Variants in SGCZ observed in about 807,000 individuals in gnomAD.
The protein encoded by SGCZ is sarcoglycan zeta.
Under a neutral mutation model 41.3 loss-of-function variants are expected in SGCZ, and 40 were observed. The ratio of observed to expected loss-of-function variants is 0.97; its 90% confidence interval spans 0.75 to 1.26. The LOEUF (loss-of-function observed/expected upper bound fraction) is 1.26. Ranked by LOEUF, SGCZ falls within the 50% of genes most tolerant of loss-of-function variation. SGCZ has a pLI of 0.00. For synonymous variants in SGCZ, 206 were observed against 137.5 expected (o/e 1.50, Z -3.49); for missense variants, 552 against 369.8 (o/e 1.49, Z -4.04).
intron 2 of SGCZ, among the ~76,000 whole-genome samples, chr8:14,491,026 C>A (rs1801826712): frequency 6.6e-6 from 1 of 152,174 alleles, no homozygotes; most frequent in African/African-American, 2.4e-5. Context: ...TCAATTTAAA[C>A]ATTTCATTTA....
intron 1 of SGCZ, among the ~76,000 whole-genome samples, chr8:14,774,561 C>G (rs1212224917): frequency 1.3e-5 from 2 of 152,108 alleles, no homozygotes; most frequent in African/African-American, 4.8e-5. Context: ...TTTATCAATC[C>G]TCATGGTATT....
intron 2 of SGCZ, among the ~76,000 whole-genome samples, chr8:14,472,278 G>A (rs1454422986): frequency 6.6e-6 from 1 of 151,918 alleles, no homozygotes; most frequent in African/African-American, 2.4e-5. Context: ...AGGTAAATAA[G>A]GTTTAATTAA....
chr8:14,696,838 T>C (rs928300759), intron 1 of SGCZ, among the ~76,000 whole-genome samples: 2 of 151,608 alleles, frequency 1.3e-5, no homozygotes, highest in African/African-American at 4.8e-5. Context: ...AGGCAAAAGA[T>C]GGTTTGCCAA....
chr8:14,612,678 T>TC (rs1173090046), intron 1 of SGCZ, among the ~76,000 whole-genome samples: 8 of 151,522 alleles, frequency 5.3e-5, no homozygotes, highest in Non-Finnish European at 1.2e-4. Context: ...TTTGTTTTTT[T>TC]GTTTTGTTTT....
In SGCZ at chr8:15,021,567, A is replaced by C. The variant is rs147999649; in HGVS notation, c.39+216018T>G. ...GATAGAAATTGAGATCTCTCAACCA[A>C]TCTACTGAAACACTGTATGGGGTTA... On this transcript the variant is annotated intron_variant, in intron 1 of 7. Coordinates refer to ENST00000382080, the MANE Select transcript of SGCZ (RefSeq NM_139167.4). Among the ~76,000 whole-genome samples, 841 of 152,318 alleles carry C rather than the reference A, an allele frequency of 5.5e-3. 3 individuals are homozygous for C. Among genetic ancestry groups the C allele is most frequent in the Middle Eastern group, 0.031 (9 of 294 alleles).
intron 1 of SGCZ, among the ~76,000 whole-genome samples, chr8:14,742,046 G>C (rs900338354): frequency 2.6e-5 from 4 of 151,824 alleles, no homozygotes; most frequent in Non-Finnish European, 5.9e-5. Context: ...ACAATAGTAA[G>C]AAAATGATAA....
At chr8:14,191,835 G>A (rs546918932) in intron 4 of SGCZ, among the ~76,000 whole-genome samples, 1 of 152,158 alleles carries the variant, frequency 6.6e-6, no homozygotes, top group African/African-American at 2.4e-5. Flanking sequence ...TTCTTTCTAT[G>A]ATTCTTTTAG....
At chr8:15,204,578 G>A (rs930662331) in intron 1 of SGCZ, among the ~76,000 whole-genome samples, 9 of 151,994 alleles carry the variant, frequency 5.9e-5, no homozygotes, top group African/African-American at 1.2e-4. Context: ...GAAGTCTTTC[G>A]TCACCCAACT....
intron 4 of SGCZ, among the ~76,000 whole-genome samples, chr8:14,182,356 C>T (rs984725789): frequency 1.1e-4 from 17 of 152,124 alleles, no homozygotes; most frequent in Non-Finnish European, 2.9e-5. Context: ...GAGAACCAAC[C>T]AGGAAATCCA....
intron 1 of SGCZ, among the ~76,000 whole-genome samples, chr8:14,850,199 T>C (rs1242107910): frequency 6.6e-6 from 1 of 152,202 alleles, no homozygotes; most frequent in Non-Finnish European, 1.5e-5. Context: ...TTACATAATA[T>C]TAGTGTAAGT....
At chr8:14,311,820 T>C (rs1377923707) in intron 3 of SGCZ, among the ~76,000 whole-genome samples, 3 of 152,136 alleles carry the variant, frequency 2.0e-5, no homozygotes, top group Non-Finnish European at 4.4e-5. Flanking sequence ...GTAAATACAC[T>C]GTAATAAAAA....
intron 1 of SGCZ, among the ~76,000 whole-genome samples, chr8:14,656,436 C>A (rs909268942): frequency 1.4e-5 from 2 of 138,192 alleles, no homozygotes; most frequent in African/African-American, 5.4e-5. Flanking sequence ...TTCCTCCCCC[C>A]TCTATCCCTC....
chr8:14,494,936 T>C (rs1801947814), intron 2 of SGCZ, among the ~76,000 whole-genome samples: 1 of 152,214 alleles, frequency 6.6e-6, no homozygotes, highest in Admixed American at 6.5e-5. Flanking sequence ...TAAATATTGT[T>C]CCTTGTCACT....
chr8:14,727,803 C>T (rs1810108579), intron 1 of SGCZ, among the ~76,000 whole-genome samples: 1 of 151,922 alleles, frequency 6.6e-6, no homozygotes, highest in African/African-American at 2.4e-5. Context: ...CGCGCCCAGC[C>T]AATAATGTTC....
chr8:14,508,532 T>C (rs951051318), intron 2 of SGCZ, among the ~76,000 whole-genome samples: 6 of 152,074 alleles, frequency 3.9e-5, no homozygotes, highest in African/African-American at 1.4e-4. Context: ...GAACTAGGCA[T>C]GTTCATTTTT....
chr8:14,181,530 C>T (rs1428198700), intron 4 of SGCZ, among the ~76,000 whole-genome samples: 1 of 152,164 alleles, frequency 6.6e-6, no homozygotes, highest in African/African-American at 2.4e-5. Flanking sequence ...TTGGCTGTGT[C>T]CCCACCCAAA....
intron 1 of SGCZ, among the ~76,000 whole-genome samples, chr8:14,961,525 T>G (rs1302667865): frequency 1.3e-5 from 2 of 152,178 alleles, no homozygotes; most frequent in Non-Finnish European, 2.9e-5. Flanking sequence ...CACATTATAT[T>G]GTTATAATTG....
At chr8:14,502,961 T>G (rs940030960) in intron 2 of SGCZ, among the ~76,000 whole-genome samples, 11 of 152,292 alleles carry the variant, frequency 7.2e-5, no homozygotes, top group African/African-American at 2.6e-4. Flanking sequence ...ATTCAAGGGA[T>G]TATAAATCAT....
chr8:15,214,899 G>C (rs1323746786), intron 1 of SGCZ, among the ~76,000 whole-genome samples: 1 of 152,136 alleles, frequency 6.6e-6, no homozygotes, highest in African/African-American at 2.4e-5. Flanking sequence ...CTTTCACTTA[G>C]ACAGAAAAGC....
Sources: allele counts gnomAD v4.1 joint callset (sites outside exome capture counted in the v4.1 genomes callset), GRCh38; gene constraint gnomAD v4.1.1; transcripts MANE v1.5; gene names NCBI Gene and HGNC (gene_info 2026-07-23, HGNC 2026-07-21).